Variants in SMYD2 observed in about 807,000 individuals in gnomAD.
SMYD2 encodes SET and MYND domain containing 2.
SMYD2 carries 53 observed loss-of-function variants against 59.1 expected under a neutral mutation model. The observed-to-expected ratio is 0.90, with a 90% CI of 0.72 to 1.13. The LOEUF is 1.13. Ranked by LOEUF, SMYD2 falls within the 50% of genes most tolerant of loss-of-function variation. The probability of loss-of-function intolerance (pLI) is 0.00; values close to 1 mark genes in which losing one functional copy is unlikely to be tolerated. For missense variants in SMYD2, 494 were observed against 544.7 expected, an observed-to-expected ratio of 0.91 and a Z score of 0.93; for synonymous variants, 208 against 198.8, an observed-to-expected ratio of 1.05 and a Z score of -0.39.
chr1:214,281,253 C>T lies in SMYD2; in HGVS notation c.-2C>T, dbSNP rs941199634. 5 of 1,242,600 alleles carry T rather than the reference C, an allele frequency of 4.0e-6. No individual in the cohort carries two copies. The African/African-American group carries it at 6.3e-5, about 16-fold the overall frequency. 77.0% of individuals were successfully genotyped at this position (1,242,600 alleles called of 1,614,324 possible). Reference sequence around the variant, plus strand: ...AGCCGGCGGCCGCGCCCCGCCGCCACCATGAGGGCCGAGGGCCTCGGCGGC... The same window carrying T: ...AGCCGGCGGCCGCGCCCCGCCGCCATCATGAGGGCCGAGGGCCTCGGCGGC... On this transcript the variant is annotated 5_prime_UTR_variant, in exon 1 of 12. Coordinates refer to ENST00000366957, the MANE Select transcript of SMYD2 (RefSeq NM_020197.3).
intron 1 of SMYD2, among the ~76,000 whole-genome samples, chr1:214,284,190 A>G (rs1656493712): frequency 6.6e-6 from 1 of 151,600 alleles, no homozygotes; most frequent in Non-Finnish European, 1.5e-5. Flanking sequence ...TACACTTTAT[A>G]CACACATACA....
At chr1:214,332,509 A>G (rs1251254195) in intron 10 of SMYD2, 2 of 201,382 alleles carry the variant, frequency 9.9e-6, no homozygotes, top group Admixed American at 5.6e-5. Flanking sequence ...TTTCCCACCC[A>G]CTGCTTCCAA....
At chr1:214,299,465 T>TTA (rs756823866) in intron 1 of SMYD2, among the ~76,000 whole-genome samples, 11,209 of 71,478 alleles carry the variant, frequency 0.16, 1,078 homozygotes, top group East Asian at 0.55. Flanking sequence ...AAAGAAAACA[T>TTA]TATATATATA....
intron 1 of SMYD2, among the ~76,000 whole-genome samples, chr1:214,286,573 C>A (rs1656549552): frequency 6.6e-6 from 1 of 151,918 alleles, no homozygotes; most frequent in Non-Finnish European, 1.5e-5. Flanking sequence ...GAGTTTGAGA[C>A]CAGCCTGGCC....
At chr1:214,331,749 G>A (rs1431558984) in intron 9 of SMYD2, 1 of 334,656 alleles carries the variant, frequency 3.0e-6, no homozygotes, top group Non-Finnish European at 5.4e-6. Context: ...GATTAGAATC[G>A]TGATTTTAAT....
intron 9 of SMYD2, 191 bp from the exon 10 acceptor site, chr1:214,331,827 G>A (rs982710739): frequency 1.4e-5 from 8 of 586,244 alleles, no homozygotes; most frequent in African/African-American, 3.7e-5. Flanking sequence ...GAGCGGTTCC[G>A]ACCTTCAGGT....
At chr1:214,311,444 G>C (rs771277895) in intron 2 of SMYD2, among the ~76,000 whole-genome samples, 18 of 152,178 alleles carry the variant, frequency 1.2e-4, no homozygotes, top group Non-Finnish European at 1.9e-4. Context: ...AAGTAACTTA[G>C]GGATCATGTT....
rs1167471708 is a variant in SMYD2, at chr1:214,284,593, G to A, written c.173+3166G>A. ...TTTTTTTTTTTTTTGAAACAGTCTC[G>A]TCTCACTCTGTTGCCCAGGCTGGAG... On this transcript the variant is annotated intron_variant, in intron 1 of 11. Coordinates refer to ENST00000366957, the MANE Select transcript of SMYD2 (RefSeq NM_020197.3). 8.3e-5 allele frequency among the ~76,000 whole-genome samples: 11 copies of A among 132,940 alleles called. No individual in the cohort carries two copies. In the East Asian group the frequency reaches 1.3e-3, roughly 16 times the overall value. The allele number at this position is 132,940 out of a possible 152,430, so 87.2% of individuals were successfully genotyped here. A position where few individuals can be genotyped will look rare whatever the true frequency, so the allele number is the denominator to read the frequency against.
rs536817816 is a variant in SMYD2 at position 214,335,263 on chromosome 1, G to T, written c.1221+955G>T. ...AATAGAAGGGTCAGGGCACAGCCAGGCTGGAAGGGAGCACAGAACAAAATT... is the reference window on the plus strand; with the variant it reads ...AATAGAAGGGTCAGGGCACAGCCAGTCTGGAAGGGAGCACAGAACAAAATT... On this transcript the variant is annotated intron_variant, in intron 11 of 11. Coordinates refer to ENST00000366957, the MANE Select transcript of SMYD2 (RefSeq NM_020197.3). 5.1e-4 allele frequency among the ~76,000 whole-genome samples: 77 copies of T among 152,250 alleles called. 1 individual carries two copies. The highest frequency in any genetic ancestry group is 5.0e-3 in the Admixed American group (77 of 15,288).
chr1:214,307,664 A>G (rs1342527338), intron 2 of SMYD2, among the ~76,000 whole-genome samples: 1 of 152,164 alleles, frequency 6.6e-6, no homozygotes, highest in Non-Finnish European at 1.5e-5. Context: ...GTTAGGCCTC[A>G]TGAGGTGGCA....
At chr1:214,298,948 T>A (rs1468674636) in intron 1 of SMYD2, among the ~76,000 whole-genome samples, 1 of 151,882 alleles carries the variant, frequency 6.6e-6, no homozygotes. Context: ...AGACTAGGAG[T>A]TTGAGACCAG....
chr1:214,301,769 T>TAAAAAAAA (rs56102481), intron 1 of SMYD2, among the ~76,000 whole-genome samples: 1 of 133,348 alleles, frequency 7.5e-6, no homozygotes, highest in Non-Finnish European at 1.6e-5. Flanking sequence ...TCTTTCAAGT[T>TAAAAAAAA]AAAAAAAAAA....
chr1:214,293,078 A>C (rs200825958), intron 1 of SMYD2, among the ~76,000 whole-genome samples: 2 of 143,296 alleles, frequency 1.4e-5, no homozygotes, highest in Admixed American at 1.4e-4. Flanking sequence ...TTTGAGACAG[A>C]GTCTCTCTCT....
rs1021478134 is a variant in SMYD2 at position 214,334,062 on chromosome 1, C to T, written c.1113-138C>T. 3 of 655,040 alleles carry T rather than the reference C, an allele frequency of 4.6e-6. No homozygotes were observed. In the Admixed American group the frequency reaches 7.9e-5, roughly 17 times the overall value. 40.6% of individuals were successfully genotyped at this position (655,040 alleles called of 1,614,324 possible). A position where few individuals can be genotyped will look rare whatever the true frequency, so the allele number is the denominator to read the frequency against. On this transcript the variant is annotated intron_variant, in intron 10 of 11. Transcript: ENST00000366957. ...GCAGCATCCACGCTCTCCACCCAAA[C>T]CCTGGTGGGATTTGGAGAGGCCGCT...
At chr1:214,322,875 A>G (rs1192331872) in intron 5 of SMYD2, among the ~76,000 whole-genome samples, 3 of 152,212 alleles carry the variant, frequency 2.0e-5, no homozygotes, top group African/African-American at 7.2e-5. Context: ...GTAAATCTGA[A>G]GTACCTAGCA....
chr1:214,319,753 C>T (rs1191970701), intron 5 of SMYD2, among the ~76,000 whole-genome samples: 4 of 152,132 alleles, frequency 2.6e-5, no homozygotes, highest in African/African-American at 4.8e-5. Context: ...TATGCCTTTG[C>T]GATGCCCTCT....
chr1:214,309,928 T>A (rs1656973595), intron 2 of SMYD2, among the ~76,000 whole-genome samples: 1 of 152,212 alleles, frequency 6.6e-6, no homozygotes, highest in Admixed American at 6.5e-5. Flanking sequence ...TTTGCACACT[T>A]CTTCTCAAGG....
chr1:214,299,476 TATATATAC>T lies in SMYD2; in HGVS notation c.174-5709_174-5702del, dbSNP rs1409847007. Among the ~76,000 whole-genome samples, 14 of 27,922 alleles carry T rather than the reference TATATATAC, an allele frequency of 5.0e-4. No homozygotes were observed. The East Asian group carries it at 8.5e-3, about 17-fold the overall frequency. 18.3% of individuals were successfully genotyped at this position (27,922 alleles called of 152,430 possible). A position where few individuals can be genotyped will look rare whatever the true frequency, so the allele number is the denominator to read the frequency against. Reference sequence around the variant, plus strand: ...GGATAAAGAAAACATTATATATATATATATATACACCATAGAATACTATGCAGTCATAA... The same window carrying T: ...GGATAAAGAAAACATTATATATATATACCATAGAATACTATGCAGTCATAA... On this transcript the variant is annotated intron_variant, in intron 1 of 11. Coordinates refer to ENST00000366957, the MANE Select transcript of SMYD2 (RefSeq NM_020197.3).
intron 1 of SMYD2, among the ~76,000 whole-genome samples, chr1:214,300,907 T>C (rs1656813192): frequency 6.6e-6 from 1 of 152,230 alleles, no homozygotes; most frequent in African/African-American, 2.4e-5. Context: ...TCTGTACTCT[T>C]AAAAATTATT....
Sources: allele counts gnomAD v4.1 joint callset (sites outside exome capture counted in the v4.1 genomes callset), GRCh38; gene constraint gnomAD v4.1.1; transcripts MANE v1.5; gene names NCBI Gene and HGNC (gene_info 2026-07-23, HGNC 2026-07-21).